RXFP2: variants seen among roughly 807,000 people sequenced by gnomAD.
RXFP2 encodes relaxin receptor 2.
A neutral mutation model predicts 88.6 loss-of-function variants in RXFP2; 68 were observed. That is an observed-to-expected ratio of 0.77 (90% CI 0.63 to 0.94). The LOEUF (loss-of-function observed/expected upper bound fraction) is 0.94. Ranked by LOEUF, RXFP2 falls within the 40% of genes least tolerant of loss-of-function variation. RXFP2 has a pLI of 0.00. For missense variants in RXFP2, 791 were observed against 893.9 expected, an observed-to-expected ratio of 0.88 and a Z score of 1.47; for synonymous variants, 329 against 306.8, an observed-to-expected ratio of 1.07 and a Z score of -0.76.
chr13:31,797,420 G>A lies in RXFP2; in HGVS notation c.2005+1G>A, dbSNP rs1397082283. ...TCCCTCTTCCGGGTGGAAATACCAGGTCAGTCTCTTCTATCATTCCCAAGT... is the reference window on the plus strand; with the variant it reads ...TCCCTCTTCCGGGTGGAAATACCAGATCAGTCTCTTCTATCATTCCCAAGT... On this transcript the variant is annotated splice_donor_variant, in intron 17 of 17. Transcript: ENST00000298386. LOFTEE classifies it high-confidence loss of function. 2.5e-6 allele frequency: 4 copies of A among 1,608,340 alleles called. No homozygotes were observed. In the Admixed American group the frequency reaches 5.0e-5, roughly 20 times the overall value.
intron 2 of RXFP2, 108 bp from the exon 3 acceptor site, chr13:31,761,616 C>T (rs2138410676): frequency 1.4e-6 from 1 of 730,042 alleles, no homozygotes; most frequent in Admixed American, 2.0e-5. Flanking sequence ...ATCAATAATT[C>T]TATTACTTAA....
chr13:31,760,355 T>C (rs1872248554), intron 2 of RXFP2, among the ~76,000 whole-genome samples: 1 of 152,162 alleles, frequency 6.6e-6, no homozygotes, highest in African/African-American at 2.4e-5. Context: ...CCTCCCAAAG[T>C]GCTGGGATTA....
intron 4 of RXFP2, 151 bp downstream of exon 4, chr13:31,765,293 A>G (rs1566221881): frequency 4.7e-6 from 3 of 637,030 alleles, no homozygotes; most frequent in Non-Finnish European, 8.5e-6. Flanking sequence ...CTTCCTATTC[A>G]GGGGGAAAAA....
intron 1 of RXFP2, among the ~76,000 whole-genome samples, chr13:31,744,984 C>T (rs553449661): frequency 6.6e-6 from 1 of 152,200 alleles, no homozygotes; most frequent in East Asian, 1.9e-4. Flanking sequence ...GCCTGGCCAA[C>T]ATGGTGAAAC....
chr13:31,798,252 A>T (rs1238058770), intron 17 of RXFP2, among the ~76,000 whole-genome samples: 1 of 152,190 alleles, frequency 6.6e-6, no homozygotes, highest in African/African-American at 2.4e-5. Context: ...CCTCCTGTGC[A>T]CTCAGTTGTG....
chr13:31,743,896 TCA>T (rs1035684643), intron 1 of RXFP2, among the ~76,000 whole-genome samples: 9 of 152,144 alleles, frequency 5.9e-5, no homozygotes, highest in African/African-American at 1.4e-4. Flanking sequence ...TCGGTAACTC[TCA>T]CACCTGCTCC....
intron 16 of RXFP2, among the ~76,000 whole-genome samples, chr13:31,793,931 T>C (rs1873909755): frequency 1.3e-5 from 2 of 152,192 alleles, no homozygotes; most frequent in Non-Finnish European, 2.9e-5. Flanking sequence ...CCTGAATTAT[T>C]ACCTTATCCC....
chr13:31,776,101 C>G (rs868401709), intron 7 of RXFP2, among the ~76,000 whole-genome samples: 1 of 57,398 alleles, frequency 1.7e-5, no homozygotes. Flanking sequence ...TCTTTCTTTT[C>G]TTTTCTTTCT....
chr13:31,777,718 T>C (rs577985945), intron 8 of RXFP2, among the ~76,000 whole-genome samples: 14 of 152,330 alleles, frequency 9.2e-5, no homozygotes, highest in Admixed American at 7.2e-4. Flanking sequence ...GGCATGTTTT[T>C]ATTTGCAGTG....
At chr13:31,745,379 C>T (rs1360707163) in intron 1 of RXFP2, among the ~76,000 whole-genome samples, 1 of 152,200 alleles carries the variant, frequency 6.6e-6, no homozygotes, top group Non-Finnish European at 1.5e-5. Context: ...AGTTCCAAAT[C>T]TCATGCCCAT....
At chr13:31,775,507 A>T in intron 7 of RXFP2, 118 bp downstream of exon 7, 1 of 804,272 alleles carries the variant, frequency 1.2e-6, no homozygotes, top group Non-Finnish European at 2.1e-6. Flanking sequence ...TTTTCTGATT[A>T]TCATATAATC....
At chr13:31,795,046 A>G (rs1593472515) in intron 16 of RXFP2, among the ~76,000 whole-genome samples, 1 of 152,134 alleles carries the variant, frequency 6.6e-6, no homozygotes, top group Non-Finnish European at 1.5e-5. Flanking sequence ...AATAGTTTTC[A>G]TTTTAGGAAA....
chr13:31,800,648 C>A (rs1396705418), intron 17 of RXFP2, among the ~76,000 whole-genome samples: 1 of 152,200 alleles, frequency 6.6e-6, no homozygotes, highest in Non-Finnish European at 1.5e-5. Flanking sequence ...CCACCCTGAA[C>A]ATGCCTGATT....
chr13:31,767,668 C>A (rs1022953703), intron 5 of RXFP2, among the ~76,000 whole-genome samples: 5 of 151,952 alleles, frequency 3.3e-5, no homozygotes, highest in Non-Finnish European at 5.9e-5. Flanking sequence ...CTAAAGTCTG[C>A]AATGGTTAAA....
intron 7 of RXFP2, 104 bp downstream of exon 7, chr13:31,775,493 T>A: frequency 1.1e-6 from 1 of 885,244 alleles, no homozygotes; most frequent in Middle Eastern, 2.2e-4. Flanking sequence ...ATTTTTATAC[T>A]TGCTTTTCTG....
intron 1 of RXFP2, among the ~76,000 whole-genome samples, chr13:31,748,522 A>C (rs568379286): frequency 1.3e-5 from 2 of 152,288 alleles, no homozygotes; most frequent in Non-Finnish European, 2.9e-5. Context: ...CGTCATTCAG[A>C]TATCCTCTTT....
rs1025010557 is a variant in RXFP2, at chr13:31,789,133, G to A, written c.1085G>A (p.Arg362Lys). The A allele has an allele frequency of 1.9e-6, 3 of 1,604,914 alleles. No individual in the cohort carries two copies. Among genetic ancestry groups the A allele is most frequent in the South Asian group, 2.2e-5 (2 of 90,906 alleles). Residue 362 changes from arginine to lysine, a missense_variant, in exon 14 of 18, where the codon AGG becomes AAG. Transcript: ENST00000298386. Reference protein sequence around the residue: ...LKQLQSLDLERIEIPNINTRM... With the variant: ...LKQLQSLDLEKIEIPNINTRM... ...TGTGTATTTTCCAGAGACCTGGAAA[G>A]GATAGAGATTCCAAATATAAACACA... is the stretch of plus-strand genomic sequence containing the variant.
rs970153100 is a variant in RXFP2, at chr13:31,791,914, C to G, written c.1254C>G (p.Leu418=). Residue 418 remains leucine (L), a synonymous_variant, in exon 15 of 18, where the codon CTC becomes CTG. Coordinates refer to ENST00000298386, the MANE Select transcript of RXFP2 (RefSeq NM_130806.5). ...SFEDLLANNI[L]RIFVWVIAFI... ...AGGACCTCTTGGCTAACAATATCCT[C>G]AGAATATTTGTCTGGGTTATAGCTT... 2.5e-6 allele frequency: 4 copies of G among 1,613,940 alleles called. No homozygotes were observed. In the African/African-American group the frequency reaches 5.3e-5, roughly 22 times the overall value.
At chr13:31,801,657 C>T (rs1474276661) in intron 17 of RXFP2, among the ~76,000 whole-genome samples, 1 of 152,138 alleles carries the variant, frequency 6.6e-6, no homozygotes, top group East Asian at 1.9e-4. Context: ...TTCCTCTTTG[C>T]TCTTCAAAGC....
Sources: gnomAD v4.1 joint callset for allele counts (sites outside exome capture counted in the v4.1 genomes callset) on GRCh38, gnomAD v4.1.1 for gene constraint, MANE v1.5 for transcripts, NCBI Gene and HGNC (gene_info 2026-07-23, HGNC 2026-07-21) for gene names.